Variants in MARCO observed in about 807,000 individuals in gnomAD.
MARCO encodes the protein macrophage receptor MARCO.
In MARCO, 72 loss-of-function variants were observed where a neutral mutation model predicts 70.0. That is an observed-to-expected ratio of 1.03 (90% CI 0.85 to 1.25). The LOEUF (loss-of-function observed/expected upper bound fraction) is 1.25. Ranked by LOEUF, MARCO falls within the 50% of genes most tolerant of loss-of-function variation. The pLI, the probability that MARCO is intolerant of heterozygous loss-of-function variation, is 0.00. For missense variants in MARCO, 696 were observed against 659.3 expected, an observed-to-expected ratio of 1.06 and a Z score of -0.61; for synonymous variants, 273 against 243.1, an observed-to-expected ratio of 1.12 and a Z score of -1.14.
intron 12 of MARCO, 106 bp from the exon 13 acceptor site, chr2:118,990,483 C>A: frequency 2.8e-6 from 3 of 1,058,932 alleles, no homozygotes; most frequent in Non-Finnish European, 4.3e-6. Context: ...ATGTATCTTT[C>A]CATCTGCATT....
chr2:118,966,173 T>C (rs1387029509), intron 1 of MARCO, among the ~76,000 whole-genome samples: 2 of 152,218 alleles, frequency 1.3e-5, no homozygotes, highest in African/African-American at 4.8e-5. Flanking sequence ...TGGGATCTTT[T>C]ACAGACTTGA....
chr2:118,956,981 A>G (rs576591293), intron 1 of MARCO, among the ~76,000 whole-genome samples: 1 of 152,250 alleles, frequency 6.6e-6, no homozygotes, highest in South Asian at 2.1e-4. Flanking sequence ...AACCTCTAGG[A>G]TACAGCTAAG....
At chr2:118,947,394 T>C (rs1304447477) in intron 1 of MARCO, among the ~76,000 whole-genome samples, 2 of 152,284 alleles carry the variant, frequency 1.3e-5, no homozygotes, top group South Asian at 4.2e-4. Context: ...CATTGCAGCC[T>C]CAAACTCATG....
At chr2:118,957,395 T>G (rs533643661) in intron 1 of MARCO, among the ~76,000 whole-genome samples, 1 of 151,978 alleles carries the variant, frequency 6.6e-6, no homozygotes, top group African/African-American at 2.4e-5. Context: ...CTAGAAGAGA[T>G]GGATAAATTC....
intron 11 of MARCO, 46 bp from the exon 12 acceptor site, chr2:118,982,302 C>T: frequency 6.2e-7 from 1 of 1,612,620 alleles, no homozygotes; most frequent in Non-Finnish European, 8.5e-7. Context: ...TGTGTGAAAA[C>T]CTGCCTAGTC....
intron 8 of MARCO, among the ~76,000 whole-genome samples, chr2:118,978,438 C>T (rs1558668550): frequency 6.6e-6 from 1 of 152,228 alleles, no homozygotes; most frequent in Non-Finnish European, 1.5e-5. Context: ...CTGGATGGTT[C>T]TGACCATGAA....
intron 1 of MARCO, among the ~76,000 whole-genome samples, chr2:118,955,025 T>A (rs1211852335): frequency 7.0e-6 from 1 of 143,582 alleles, no homozygotes; most frequent in Non-Finnish European, 1.5e-5. Context: ...CACCACACCC[T>A]CAACCCCCGC....
At chr2:118,950,258 T>G (rs1236699748) in intron 1 of MARCO, among the ~76,000 whole-genome samples, 1 of 152,218 alleles carries the variant, frequency 6.6e-6, no homozygotes, top group Non-Finnish European at 1.5e-5. Context: ...AGGTAAGATT[T>G]TTATAGACTG....
At chr2:118,947,960 T>C (rs1347319730) in intron 1 of MARCO, among the ~76,000 whole-genome samples, 1 of 152,212 alleles carries the variant, frequency 6.6e-6, no homozygotes, top group Non-Finnish European at 1.5e-5. Context: ...AGACTTACAA[T>C]CCATGCACAT....
chr2:118,947,908 C>T (rs1031638108), intron 1 of MARCO, among the ~76,000 whole-genome samples: 25 of 152,128 alleles, frequency 1.6e-4, no homozygotes, highest in African/African-American at 6.0e-4. Context: ...TTGTGTTACA[C>T]CTATAGATAA....
intron 1 of MARCO, among the ~76,000 whole-genome samples, chr2:118,945,656 G>A (rs111563275): frequency 0.02 from 2,961 of 151,760 alleles, 105 homozygotes; most frequent in South Asian, 0.12. Context: ...CAAGTGATCC[G>A]CCCCCCTTGG....
At position 118,990,570 on chromosome 2, in the gene MARCO, T is replaced by TGGGG; in HGVS notation, c.1064-19_1064-18insGGGG. On this transcript the variant is annotated intron_variant, in intron 12 of 16. Coordinates refer to ENST00000327097, the MANE Select transcript of MARCO (RefSeq NM_006770.4). ...GTTTTATTATCTCCTCCCCCCCCCC[T>TGGGG]TTTTTGTTTTGATCTTAGGACTTCA... 1 of 1,075,602 alleles carries TGGGG rather than the reference T, an allele frequency of 9.3e-7. No individual in the cohort carries two copies. 66.6% of individuals were successfully genotyped at this position (1,075,602 alleles called of 1,614,324 possible).
rs376498558 is a variant in MARCO at position 118,994,549 on chromosome 2, C to G, written c.*29C>G. 3.9e-6 allele frequency: 6 copies of G among 1,545,724 alleles called. No individual in the cohort carries two copies. The highest frequency in any genetic ancestry group is 5.2e-6 in the Non-Finnish European group (6 of 1,147,606). On this transcript the variant is annotated 3_prime_UTR_variant, in exon 17 of 17. Transcript: ENST00000327097. ...GGAAACCCTTTCACTTCTCTGCTCC[C>G]GAGGTGTCCTCGGGCTCATATGTGG...
At chr2:118,955,521 A>T (rs542198740) in intron 1 of MARCO, among the ~76,000 whole-genome samples, 5 of 152,300 alleles carry the variant, frequency 3.3e-5, no homozygotes, top group African/African-American at 1.2e-4. Context: ...AAGCTTGGAA[A>T]ACATACTTGG....
rs1436733131 is a variant in MARCO, at chr2:118,970,274, C to T, written c.360C>T (p.Leu120=). The T allele has an allele frequency of 1.9e-6, 3 of 1,614,138 alleles. No homozygotes were observed. The highest frequency in any genetic ancestry group is 1.7e-5 in the Admixed American group (1 of 60,032). ...GGCTGCAAGTCCTGCAGGCCCAACT[C>T]ACCTGGGTCCGCGTCAGCCATGAGC... ...ASRLQVLQAQ[L]TWVRVSHEHL... is the part of the protein sequence containing the mutation. The change falls in exon 3 of 17, where the codon CTC becomes CTT. Residue 120 remains leucine (L), a synonymous_variant. Transcript: ENST00000327097.
rs367702146 is a variant in MARCO, at chr2:118,959,406, G to A, written c.98-9754G>A. Reference sequence around the variant, plus strand: ...AATGCTCAACATCACTAATGATCAGGGAAATGCAAATCAAAACCACAGTGT... The same window carrying A: ...AATGCTCAACATCACTAATGATCAGAGAAATGCAAATCAAAACCACAGTGT... On this transcript the variant is annotated intron_variant, in intron 1 of 16. Transcript: ENST00000327097. Among the ~76,000 whole-genome samples, 12 of 151,948 alleles carry A rather than the reference G, an allele frequency of 7.9e-5. No homozygotes were observed. In the East Asian group the frequency reaches 1.3e-3, roughly 17 times the overall value.
At chr2:118,974,083 C>T (rs13410448) in intron 4 of MARCO, among the ~76,000 whole-genome samples, 10,850 of 152,130 alleles carry the variant, frequency 0.071, 1,299 homozygotes, top group African/African-American at 0.25. Context: ...GTAACTTGCA[C>T]AAGGTCACCC....
At chr2:118,988,499 C>T (rs1455009467) in intron 12 of MARCO, among the ~76,000 whole-genome samples, 3 of 152,030 alleles carry the variant, frequency 2.0e-5, no homozygotes, top group African/African-American at 7.2e-5. Context: ...CACATCCAGA[C>T]TCTTGGCCCC....
intron 12 of MARCO, among the ~76,000 whole-genome samples, chr2:118,984,303 C>T (rs1417428539): frequency 6.6e-6 from 1 of 152,156 alleles, no homozygotes; most frequent in South Asian, 2.1e-4. Context: ...AGTTATTTAA[C>T]CAGGACCCCA....
Sources: gnomAD v4.1 joint callset for allele counts (sites outside exome capture counted in the v4.1 genomes callset) on GRCh38, gnomAD v4.1.1 for gene constraint, MANE v1.5 for transcripts, NCBI Gene and HGNC (gene_info 2026-07-23, HGNC 2026-07-21) for gene names.